Variants in PDHX observed in about 807,000 individuals in gnomAD.
PDHX encodes pyruvate dehydrogenase protein X component, mitochondrial.
Under a neutral mutation model 55.3 loss-of-function variants are expected in PDHX, and 33 were observed. The observed-to-expected ratio is 0.60, with a 90% CI of 0.45 to 0.80. The LOEUF (loss-of-function observed/expected upper bound fraction) is 0.80. Ranked by LOEUF, PDHX falls within the 30% of genes least tolerant of loss-of-function variation. The pLI is 0.00. For missense variants in PDHX, 622 were observed against 619.9 expected, an observed-to-expected ratio of 1.00 and a Z score of -0.04; for synonymous variants, 226 against 219.4, an observed-to-expected ratio of 1.03 and a Z score of -0.27.
chr11:34,978,768 A>G (rs894510454), intron 8 of PDHX, among the ~76,000 whole-genome samples: 11 of 152,072 alleles, frequency 7.2e-5, no homozygotes, highest in Admixed American at 1.3e-4. Flanking sequence ...GAGGTGGGAG[A>G]TAAGATTTAA....
chr11:34,961,393 G>T (rs1448045634), intron 5 of PDHX, among the ~76,000 whole-genome samples: 3 of 152,204 alleles, frequency 2.0e-5, no homozygotes, highest in Non-Finnish European at 4.4e-5. Context: ...ACTAATGTAA[G>T]ATTTCAGTAG....
At chr11:34,916,602 C>T (rs1264445261), upstream of PDHX, 1 of 1,595,020 alleles carries the variant, frequency 6.3e-7, no homozygotes, top group Non-Finnish European at 8.5e-7. Context: ...GAGGCGGGGC[C>T]TTGATGCTGG....
chr11:34,983,797 A>T (rs544443427), intron 8 of PDHX, among the ~76,000 whole-genome samples: 1 of 152,344 alleles, frequency 6.6e-6, no homozygotes, highest in South Asian at 2.1e-4. Context: ...ATGGAAGAAC[A>T]TTCCATGGTC....
intron 8 of PDHX, among the ~76,000 whole-genome samples, chr11:34,981,640 C>A (rs923061517): frequency 6.6e-6 from 1 of 152,054 alleles, no homozygotes; most frequent in African/African-American, 2.4e-5. Context: ...GTTCCTATTT[C>A]TCCACATCCT....
At chr11:34,947,014 TCTTTTTATG>T (rs570712845) in intron 2 of PDHX, among the ~76,000 whole-genome samples, 199 of 152,364 alleles carry the variant, frequency 1.3e-3, no homozygotes, top group African/African-American at 4.3e-3. Context: ...TTTGATTTTC[TCTTTTTATG>T]CTTTATATGC....
rs775413853 is a variant in PDHX at position 34,995,056 on chromosome 11, C to T, written c.1390C>T (p.Arg464Cys). ...AGAGGGAAATGCCAAACTGCAGCAG[C>T]GCCAGCTCATAACAGTCACAATGTC... ...DEEGNAKLQQRQLITVTMSSD... is the reference protein window; with the variant it reads ...DEEGNAKLQQCQLITVTMSSD... Residue 464 changes from arginine (R) to cysteine (C), a missense_variant, in exon 11 of 11, where the codon CGC becomes TGC. By Grantham distance (180) the Arg-to-Cys change is radical. Coordinates refer to ENST00000227868, the MANE Select transcript of PDHX (RefSeq NM_003477.3). 8.7e-6 allele frequency: 14 copies of T among 1,613,888 alleles called. No homozygotes were observed. The highest frequency in any genetic ancestry group is 2.2e-5 in the East Asian group (1 of 44,886).
At chr11:34,978,305 T>C (rs1855425413) in intron 8 of PDHX, 123 bp downstream of exon 8, 2 of 678,264 alleles carry the variant, frequency 2.9e-6, no homozygotes, top group Admixed American at 2.3e-5. Context: ...TTGCTAAAAA[T>C]ATCCTATCGT....
At position 34,984,630 on chromosome 11, in the gene PDHX, G is replaced by A; in HGVS notation, c.1084G>A (p.Asp362Asn). The A allele has an allele frequency of 6.2e-7, 1 of 1,613,824 alleles. No individual in the cohort carries two copies. The highest frequency in any genetic ancestry group is 8.5e-7 in the Non-Finnish European group (1 of 1,179,772). The change falls in exon 9 of 11, where the codon GAC becomes AAC. Residue 362 changes from aspartate to asparagine, a missense_variant. Transcript: ENST00000227868. ...GGGCCCAAAGCAACTGCCATTTATT[G>A]ACATTTCAGTGGCTGTGGCAACAGA... ...GEGPKQLPFI[D>N]ISVAVATDKG...
At chr11:34,979,494 A>ATTT (rs994226964) in intron 8 of PDHX, among the ~76,000 whole-genome samples, 2 of 152,154 alleles carry the variant, frequency 1.3e-5, no homozygotes, top group Non-Finnish European at 2.9e-5. Context: ...TACATTTATA[A>ATTT]TTAACTTTTT....
intron 3 of PDHX, among the ~76,000 whole-genome samples, chr11:34,952,577 C>G (rs1040501178): frequency 3.3e-5 from 5 of 151,638 alleles, no homozygotes; most frequent in African/African-American, 1.2e-4. Context: ...TACACAGAAC[C>G]AAAGACAAAA....
chr11:34,949,531 C>T (rs554383983), intron 3 of PDHX, among the ~76,000 whole-genome samples: 1 of 152,182 alleles, frequency 6.6e-6, no homozygotes, highest in East Asian at 1.9e-4. Flanking sequence ...ACCACCATGC[C>T]CTGTCAAAAC....
intron 4 of PDHX, among the ~76,000 whole-genome samples, chr11:34,958,283 C>T (rs995986807): frequency 1.3e-5 from 2 of 151,968 alleles, no homozygotes; most frequent in African/African-American, 4.8e-5. Flanking sequence ...AAAGAATCCA[C>T]AGTGCTTTTT....
chr11:34,943,266 A>T (rs1375149537), intron 2 of PDHX, among the ~76,000 whole-genome samples: 1 of 152,270 alleles, frequency 6.6e-6, no homozygotes, highest in East Asian at 1.9e-4. Flanking sequence ...TTTTAAATAA[A>T]TTAGACCTAC....
chr11:34,949,237 G>A (rs1854695226), intron 3 of PDHX, among the ~76,000 whole-genome samples: 1 of 149,192 alleles, frequency 6.7e-6, no homozygotes, highest in East Asian at 1.9e-4. Context: ...TTTTTCTTCT[G>A]TTTTTTGTTT....
chr11:34,983,961 T>C (rs1855583948), intron 8 of PDHX, among the ~76,000 whole-genome samples: 1 of 152,158 alleles, frequency 6.6e-6, no homozygotes, highest in Non-Finnish European at 1.5e-5. Flanking sequence ...GAACCCGCAT[T>C]GCCAAGTCAA....
chr11:34,917,278 T>G (rs945082138), intron 1 of PDHX, among the ~76,000 whole-genome samples: 1 of 152,088 alleles, frequency 6.6e-6, no homozygotes, highest in African/African-American at 2.4e-5. Context: ...GCCAGTCGAG[T>G]TTTACCCCAC....
chr11:34,939,471 GT>G (rs1854419517), intron 2 of PDHX, among the ~76,000 whole-genome samples: 1 of 628 alleles, frequency 1.6e-3, no homozygotes. Context: ...TACTAATGGT[GT>G]GTGTGTGTGT....
chr11:34,932,838 T>A (rs779869960), intron 2 of PDHX, among the ~76,000 whole-genome samples: 2 of 152,144 alleles, frequency 1.3e-5, no homozygotes, highest in Non-Finnish European at 2.9e-5. Flanking sequence ...GTAGAAACAA[T>A]CCAAATGTTG....
chr11:34,970,390 A>G, intron 7 of PDHX, 104 bp downstream of exon 7: 1 of 948,858 alleles, frequency 1.1e-6, no homozygotes. Context: ...GTAGCTTTTA[A>G]TTTCAATTTC....
Sources: gnomAD v4.1 joint callset for allele counts (sites outside exome capture counted in the v4.1 genomes callset) on GRCh38, gnomAD v4.1.1 for gene constraint, MANE v1.5 for transcripts, NCBI Gene and HGNC (gene_info 2026-07-23, HGNC 2026-07-21) for gene names.